The following ARL15 variants were observed in gnomAD, a reference collection of about 807,000 sequenced individuals.
The protein encoded by ARL15 is ARF like GTPase 15.
In ARL15, 19 loss-of-function variants were observed where a neutral mutation model predicts 25.2. The observed-to-expected ratio is 0.75, with a 90% CI of 0.53 to 1.10. ARL15 has a LOEUF of 1.10. ARL15 is among the 50% of genes least tolerant of loss of function. ARL15 has a pLI of 0.00. For missense variants in ARL15, 220 were observed against 246.0 expected (o/e 0.89, Z 0.71); for synonymous variants, 94 against 86.8 (o/e 1.08, Z -0.46).
chr5:54,029,760 G>T (rs778634694), intron 4 of ARL15, among the ~76,000 whole-genome samples: 2 of 152,158 alleles, frequency 1.3e-5, no homozygotes, highest in Non-Finnish European at 2.9e-5. Context: ...TCGGGAGGCT[G>T]AGGCGGGCAG....
intron 1 of ARL15, among the ~76,000 whole-genome samples, chr5:54,266,490 A>C (rs542849184): frequency 6.6e-6 from 1 of 152,194 alleles, no homozygotes; most frequent in Non-Finnish European, 1.5e-5. Flanking sequence ...GGATTTCATG[A>C]GAAATCCCAG....
chr5:54,099,390 T>TA (rs1400771544), intron 4 of ARL15, among the ~76,000 whole-genome samples: 3 of 151,608 alleles, frequency 2.0e-5, no homozygotes, highest in Non-Finnish European at 4.4e-5. Flanking sequence ...GGCTAATGAT[T>TA]AAAAAAAAAT....
chr5:54,154,368 C>T (rs1036482379), intron 3 of ARL15: 2 of 416,194 alleles, frequency 4.8e-6, no homozygotes, highest in African/African-American at 4.2e-5. Flanking sequence ...TTGATTCATT[C>T]AAAAAACCCC....
chr5:54,160,910 T>G (rs893818253), intron 2 of ARL15, among the ~76,000 whole-genome samples: 3 of 152,144 alleles, frequency 2.0e-5, no homozygotes, highest in Non-Finnish European at 4.4e-5. Flanking sequence ...TATTGCATTT[T>G]TAATTGGCTT....
At chr5:54,104,255 G>A (rs1363566898) in intron 4 of ARL15, among the ~76,000 whole-genome samples, 4 of 152,170 alleles carry the variant, frequency 2.6e-5, no homozygotes, top group Non-Finnish European at 4.4e-5. Flanking sequence ...TTGGCTTCAG[G>A]CACCTTTTCT....
chr5:53,898,422 G>A (rs1351183589), intron 4 of ARL15, among the ~76,000 whole-genome samples: 2 of 152,112 alleles, frequency 1.3e-5, no homozygotes, highest in Admixed American at 6.5e-5. Flanking sequence ...ATTCAGCAGT[G>A]AAGCAAGGGT....
At chr5:54,243,499 T>G (rs1465182364) in intron 1 of ARL15, among the ~76,000 whole-genome samples, 1 of 152,228 alleles carries the variant, frequency 6.6e-6, no homozygotes, top group Non-Finnish European at 1.5e-5. Flanking sequence ...AGGCTTTTAA[T>G]AAGTCGTAGT....
At chr5:54,090,417 T>G in intron 4 of ARL15, among the ~76,000 whole-genome samples, 1 of 149,712 alleles carries the variant, frequency 6.7e-6, no homozygotes, top group Non-Finnish European at 1.5e-5. Context: ...GTGGCAGAAG[T>G]ATTGAAAAGC....
chr5:53,930,202 C>T (rs1746155960), intron 4 of ARL15, among the ~76,000 whole-genome samples: 1 of 152,130 alleles, frequency 6.6e-6, no homozygotes, highest in Non-Finnish European at 1.5e-5. Flanking sequence ...ATATATACTG[C>T]AATTGGCTAC....
chr5:53,925,971 C>A (rs1746006080), intron 4 of ARL15, among the ~76,000 whole-genome samples: 2 of 149,094 alleles, frequency 1.3e-5, no homozygotes, highest in South Asian at 4.3e-4. Context: ...TGTTATGAAC[C>A]TCTATGTCCT....
In ARL15 at chr5:54,183,867, T is replaced by C. The variant is rs1243255561; in HGVS notation, c.49-11939A>G. On this transcript the variant is annotated intron_variant, in intron 1 of 4. Coordinates refer to ENST00000504924, the MANE Select transcript of ARL15 (RefSeq NM_019087.3). The stretch of plus-strand genomic sequence containing the variant: ...AACCAACCCAAATGTCCAACAATGA[T>C]AGACTGGATTAAGAAAATATGGCAC... Among the ~76,000 whole-genome samples the C allele has an allele frequency of 1.6e-4, 24 of 150,706 alleles. No homozygotes were observed. The Admixed American group carries it at 1.6e-3, about 10-fold the overall frequency.
At chr5:54,153,512 G>T (rs1024853286) in intron 3 of ARL15, among the ~76,000 whole-genome samples, 4 of 152,196 alleles carry the variant, frequency 2.6e-5, no homozygotes, top group Middle Eastern at 3.4e-3. Context: ...ATTATTATAA[G>T]AACATTCATG....
intron 1 of ARL15, among the ~76,000 whole-genome samples, chr5:54,239,019 T>G (rs1756884141): frequency 6.6e-6 from 1 of 152,194 alleles, no homozygotes; most frequent in Admixed American, 6.5e-5. Flanking sequence ...AATACAGCAG[T>G]TAGTGAGTGA....
Position 54,236,237 on chromosome 5 carries a change from A to G in ARL15, c.49-64309T>C, listed in dbSNP as rs796597387. On this transcript the variant is annotated intron_variant, in intron 1 of 4. Coordinates refer to ENST00000504924, the MANE Select transcript of ARL15 (RefSeq NM_019087.3). ...TCCTTTTTAAACTCTCAAATTCTAT[A>G]ATTTCTGAAGTGCTGAGATACTGTC... 2.7e-4 allele frequency among the ~76,000 whole-genome samples: 41 copies of G among 152,240 alleles called. 1 individual carries two copies. Among genetic ancestry groups the G allele is most frequent in the African/African-American group, 9.6e-4 (40 of 41,536 alleles).
chr5:54,188,261 G>A (rs1020655998), intron 1 of ARL15, among the ~76,000 whole-genome samples: 1 of 152,128 alleles, frequency 6.6e-6, no homozygotes, highest in Admixed American at 6.5e-5. Flanking sequence ...AAACTATCAT[G>A]TTAAGAAAAA....
At chr5:54,288,458 C>T (rs972706382) in intron 1 of ARL15, among the ~76,000 whole-genome samples, 1 of 152,142 alleles carries the variant, frequency 6.6e-6, no homozygotes, top group African/African-American at 2.4e-5. Flanking sequence ...GACTTCTGGA[C>T]TTACTTGCCT....
intron 4 of ARL15, among the ~76,000 whole-genome samples, chr5:54,096,740 T>G (rs1464354628): frequency 1.3e-5 from 2 of 152,174 alleles, no homozygotes; most frequent in Non-Finnish European, 2.9e-5. Context: ...CACAGAAGTA[T>G]GCTTAAAATT....
At chr5:54,248,861 G>A (rs1379928138) in intron 1 of ARL15, among the ~76,000 whole-genome samples, 4 of 152,072 alleles carry the variant, frequency 2.6e-5, no homozygotes, top group Admixed American at 1.3e-4. Flanking sequence ...GACAGAAAAA[G>A]AGAAAAAGGC....
chr5:54,214,323 C>A (rs1280178544), intron 1 of ARL15, among the ~76,000 whole-genome samples: 1 of 152,200 alleles, frequency 6.6e-6, no homozygotes, highest in Non-Finnish European at 1.5e-5. Context: ...CTAGAACAGG[C>A]AGCAGTTCTC....
Sources: allele counts gnomAD v4.1 joint callset (sites outside exome capture counted in the v4.1 genomes callset), GRCh38; gene constraint gnomAD v4.1.1; transcripts MANE v1.5; gene names NCBI Gene and HGNC (gene_info 2026-07-23, HGNC 2026-07-21).